CYP2R1: variants seen among roughly 807,000 people sequenced by gnomAD.
CYP2R1 encodes the protein cytochrome P450 family 2 subfamily R member 1.
CYP2R1 carries 40 observed loss-of-function variants against 45.7 expected under a neutral mutation model. The observed-to-expected ratio is 0.87, with a 90% CI of 0.68 to 1.14. The LOEUF is 1.14. Ranked by LOEUF, CYP2R1 falls within the 50% of genes most tolerant of loss-of-function variation. The probability of loss-of-function intolerance (pLI) is 0.00; values close to 1 mark genes in which losing one functional copy is unlikely to be tolerated. For missense variants in CYP2R1, 605 were observed against 602.6 expected, an observed-to-expected ratio of 1.00 and a Z score of -0.04; for synonymous variants, 234 against 219.3, an observed-to-expected ratio of 1.07 and a Z score of -0.59.
At chr11:14,892,340 G>C, upstream of CYP2R1, 2 of 817,786 alleles carry the variant, frequency 2.4e-6, no homozygotes, top group Non-Finnish European at 3.9e-6. Flanking sequence ...CTGAGTGAGC[G>C]CTCAGGCCCC....
intron 2 of CYP2R1, among the ~76,000 whole-genome samples, 163 bp downstream of exon 2, chr11:14,885,613 C>T (rs1162333877): frequency 8.5e-5 from 13 of 152,062 alleles, no homozygotes; most frequent in African/African-American, 1.7e-4. Flanking sequence ...CTAAAATATG[C>T]GTGTAGTACA....
intron 1 of CYP2R1, among the ~76,000 whole-genome samples, chr11:14,888,534 T>C (rs1374224134): frequency 3.9e-5 from 6 of 152,302 alleles, no homozygotes; most frequent in African/African-American, 1.4e-4. Context: ...ACCCTAACCA[T>C]ACCAAGTCTT....
chr11:14,888,066 CCTTT>C (rs1848687291), intron 1 of CYP2R1, among the ~76,000 whole-genome samples: 1 of 152,118 alleles, frequency 6.6e-6, no homozygotes, highest in Admixed American at 6.6e-5. Flanking sequence ...TCCTTCATTT[CCTTT>C]GTCTTTGTTC....
At chr11:14,879,032 G>C (rs1386515974) in intron 4 of CYP2R1, 82 bp downstream of exon 4, 1 of 1,101,538 alleles carries the variant, frequency 9.1e-7, no homozygotes, top group East Asian at 2.4e-5. Context: ...TCTATAGAAG[G>C]ATGCTTCAGA....
intron 1 of CYP2R1, 86 bp downstream of exon 1, chr11:14,891,895 G>A (rs1848872033): frequency 6.6e-7 from 1 of 1,506,500 alleles, no homozygotes; most frequent in African/African-American, 1.4e-5. Flanking sequence ...TCGGCCCAGG[G>A]GCGGCCATAA....
chr11:14,891,799 G>C, intron 1 of CYP2R1, 182 bp downstream of exon 1: 1 of 1,411,258 alleles, frequency 7.1e-7, no homozygotes, highest in Non-Finnish European at 9.2e-7. Context: ...CTGCAAGGGG[G>C]CACGGCGTCG....
At chr11:14,884,302 CTGGA>C (rs1348005687) in intron 2 of CYP2R1, among the ~76,000 whole-genome samples, 1 of 151,834 alleles carries the variant, frequency 6.6e-6, no homozygotes, top group Non-Finnish European at 1.5e-5. Flanking sequence ...AAATGATAGA[CTGGA>C]TGAAGAAAAT....
chr11:14,884,565 A>G (rs1848533429), intron 2 of CYP2R1, among the ~76,000 whole-genome samples: 1 of 151,036 alleles, frequency 6.6e-6, no homozygotes, highest in African/African-American at 2.4e-5. Flanking sequence ...TAGCATTAGG[A>G]GATATACCTA....
At chr11:14,886,537 T>G (rs577287926) in intron 1 of CYP2R1, 1 of 153,402 alleles carries the variant, frequency 6.5e-6, no homozygotes, top group Admixed American at 6.5e-5. Flanking sequence ...TGGCTGCCTC[T>G]CAGTTAAGGG....
intron 2 of CYP2R1, among the ~76,000 whole-genome samples, chr11:14,881,137 C>T (rs547749304): frequency 3.3e-5 from 5 of 151,984 alleles, no homozygotes; most frequent in Admixed American, 6.6e-5. Flanking sequence ...TTATCTTAGA[C>T]TAAACAAACA....
Position 14,892,170 on chromosome 11 carries a change from C to T in CYP2R1, c.36G>A (p.Ala12=). ...WKLWRAEEGA[A]ALGGALFLLL... ...GCAGGAAGAGCGCGCCGCCGAGCGC[C>T]GCCGCGCCCTCTTCAGCTCTCCAAA... The change falls in exon 1 of 5, where the codon GCG becomes GCA. Residue 12 remains alanine, a synonymous_variant. Transcript: ENST00000334636. 1.2e-6 allele frequency: 2 copies of T among 1,610,814 alleles called. No individual in the cohort carries two copies. The highest frequency in any genetic ancestry group is 1.7e-5 in the Admixed American group (1 of 60,008).
Position 14,892,078 on chromosome 11 carries a change from G to A in CYP2R1, c.128C>T (p.Pro43Leu). The A allele has an allele frequency of 1.9e-6, 3 of 1,611,740 alleles. No individual in the cohort carries two copies. The highest frequency in any genetic ancestry group is 2.5e-6 in the Non-Finnish European group (3 of 1,179,584). ...QRRPMGFPPGPPGLPFIGNIY... is the reference protein window; with the variant it reads ...QRRPMGFPPGLPGLPFIGNIY... Reference sequence around the variant, plus strand: ...GTTGCCGATAAATGGCAGCCCCGGCGGCCCCGGGGGGAAGCCCATCGGCCG... The same window carrying A: ...GTTGCCGATAAATGGCAGCCCCGGCAGCCCCGGGGGGAAGCCCATCGGCCG... Residue 43 changes from proline (P) to leucine (L), a missense_variant, in exon 1 of 5, where the codon CCG (proline) becomes CTG (leucine). Transcript: ENST00000334636.
chr11:14,890,947 ACTGACCACAGC>A (rs782500986), intron 1 of CYP2R1: 17 of 985,354 alleles, frequency 1.7e-5, no homozygotes, highest in Non-Finnish European at 2.0e-5. Flanking sequence ...CCTTCAAAAC[ACTGACCACAGC>A]CTGTGGCCGA....
chr11:14,892,156 G>C lies in CYP2R1; in HGVS notation c.50C>G (p.Ala17Gly). 6.2e-6 allele frequency: 10 copies of C among 1,610,586 alleles called. No homozygotes were observed. Among genetic ancestry groups the C allele is most frequent in the Admixed American group, 1.7e-5 (1 of 59,992 alleles). Residue 17 changes from alanine (A) to glycine (G), a missense_variant, in exon 1 of 5, where the codon GCG becomes GGG. Physicochemically the swap from Ala to Gly is moderately conservative, Grantham distance 60. Transcript: ENST00000334636. ...AEEGAAALGG[A>G]LFLLLFALGV... ...TAGCGCGAAGAGCAGCAGGAAGAGC[G>C]CGCCGCCGAGCGCCGCCGCGCCCTC...
chr11:14,889,021 A>G (rs1565187965), intron 1 of CYP2R1, among the ~76,000 whole-genome samples: 1 of 152,196 alleles, frequency 6.6e-6, no homozygotes, highest in Non-Finnish European at 1.5e-5. Context: ...CTTCTATTTA[A>G]GATTGCCTTT....
At chr11:14,892,380 G>T (rs533135263), upstream of CYP2R1, 4 of 643,918 alleles carry the variant, frequency 6.2e-6, no homozygotes, top group South Asian at 5.7e-5. Context: ...AGTTTTGCGC[G>T]GCTGAGAGTG....
chr11:14,879,438 C>A lies in CYP2R1; in HGVS notation c.1006G>T (p.Val336Phe). The change falls in exon 4 of 5, where the codon GTT becomes TTT. Residue 336 changes from valine (V) to phenylalanine (F), a missense_variant. Val to Phe is a conservative substitution (Grantham distance 50). Transcript: ENST00000334636. ...ATAATTAAATCAATCTCTTTCTGAA[C>A]TTGTCCTGTCAGAGAAAAAGTATTC... is the stretch of plus-strand genomic sequence containing the variant. ...MALYPNIQGQ[V>F]QKEIDLIMGP... The A allele has an allele frequency of 1.9e-6, 3 of 1,599,838 alleles. No homozygotes were observed. The highest frequency in any genetic ancestry group is 2.5e-6 in the Non-Finnish European group (3 of 1,178,162).
In CYP2R1 at chr11:14,892,134, C is replaced by T. The variant is rs1158710407; in HGVS notation, c.72G>A (p.Ala24=). 3 of 1,611,514 alleles carry T rather than the reference C, an allele frequency of 1.9e-6. No individual in the cohort carries two copies. The highest frequency in any genetic ancestry group is 1.1e-5 in the South Asian group (1 of 91,014). The change falls in exon 1 of 5, where the codon GCG becomes GCA. Residue 24 remains alanine, a synonymous_variant. Transcript: ENST00000334636. ...GCTTCAGCAGCTGGCGGACCCCTAG[C>T]GCGAAGAGCAGCAGGAAGAGCGCGC... ...LGGALFLLLF[A]LGVRQLLKQR...
chr11:14,890,967 G>C, intron 1 of CYP2R1: 1 of 985,376 alleles, frequency 1.0e-6, no homozygotes, highest in Non-Finnish European at 1.2e-6. Flanking sequence ...GCCTGTGGCC[G>C]ATAATGAGAT....
Sources: allele counts gnomAD v4.1 joint callset (sites outside exome capture counted in the v4.1 genomes callset), GRCh38; gene constraint gnomAD v4.1.1; transcripts MANE v1.5; gene names NCBI Gene and HGNC (gene_info 2026-07-23, HGNC 2026-07-21).